The following ABCC9 variants were observed in gnomAD, a reference collection of about 807,000 sequenced individuals.
ABCC9 encodes ATP-binding cassette sub-family C member 9.
In ABCC9, 95 loss-of-function variants were observed where a neutral mutation model predicts 188.3. The ratio of observed to expected loss-of-function variants is 0.50; its 90% CI spans 0.43 to 0.60. The LOEUF is 0.60. ABCC9 is among the 20% of genes least tolerant of loss of function. The pLI is 0.00. For synonymous variants in ABCC9, 659 were observed against 652.7 expected (o/e 1.01, Z -0.15); for missense variants, 1,102 against 1,876.3 (o/e 0.59, Z 7.62).
chr12:21,820,502 G>A (rs951799224), intron 31 of ABCC9, among the ~76,000 whole-genome samples: 7 of 151,204 alleles, frequency 4.6e-5, no homozygotes, highest in African/African-American at 1.7e-4. Flanking sequence ...TATATATATA[G>A]CCTATATATA....
chr12:21,883,638 T>C (rs1463927425), intron 15 of ABCC9, among the ~76,000 whole-genome samples: 1 of 152,170 alleles, frequency 6.6e-6, no homozygotes, highest in East Asian at 1.9e-4. Flanking sequence ...ATCATGAGGA[T>C]TTTTAATCTG....
intron 30 of ABCC9, among the ~76,000 whole-genome samples, chr12:21,836,168 C>T (rs75288831): frequency 0.022 from 3,415 of 152,256 alleles, 61 homozygotes; most frequent in Non-Finnish European, 0.036. Context: ...CTCCTTGTCT[C>T]GGGCGTTAAC....
rs1362925183 is a variant in ABCC9, at chr12:21,846,260, C to G, written c.2867-428G>C. 8.5e-5 allele frequency among the ~76,000 whole-genome samples: 13 copies of G among 152,156 alleles called. No individual in the cohort carries two copies. The East Asian group carries it at 2.3e-3, about 27-fold the overall frequency. On this transcript the variant is annotated intron_variant, in intron 25 of 39. Transcript: ENST00000261200. ...GTGCATAGCACAAGAGGGCATACTC[C>G]ATGCTGTCTATGGCCCCAAGGAGGA...
intron 21 of ABCC9, among the ~76,000 whole-genome samples, chr12:21,860,084 T>TA (rs746880256): frequency 7.9e-4 from 80 of 100,910 alleles, no homozygotes; most frequent in Non-Finnish European, 1.1e-3. Context: ...AAGTACCACT[T>TA]ACACTTTAAA....
At chr12:21,851,288 C>A (rs1944952033) in intron 24 of ABCC9, among the ~76,000 whole-genome samples, 1 of 152,098 alleles carries the variant, frequency 6.6e-6, no homozygotes. Context: ...TTGTTGTACT[C>A]AATCTGGTAT....
chr12:21,801,676 G>A (rs1299914200), intron 39 of ABCC9, among the ~76,000 whole-genome samples: 1 of 152,170 alleles, frequency 6.6e-6, no homozygotes, highest in African/African-American at 2.4e-5. Flanking sequence ...GGATTACCCA[G>A]GCCTTTAGAC....
intron 39 of ABCC9, among the ~76,000 whole-genome samples, chr12:21,802,060 A>G (rs1238419054): frequency 1.3e-5 from 2 of 152,212 alleles, no homozygotes. Flanking sequence ...CTGCCATGTC[A>G]GTGTTATGGT....
At chr12:21,805,693 G>T (rs549662301) in intron 39 of ABCC9, among the ~76,000 whole-genome samples, 1 of 152,220 alleles carries the variant, frequency 6.6e-6, no homozygotes, top group South Asian at 2.1e-4. Flanking sequence ...ATAGAAAAGA[G>T]AATTATTTTA....
intron 12 of ABCC9, among the ~76,000 whole-genome samples, chr12:21,904,149 G>A (rs1947914856): frequency 7.7e-6 from 1 of 130,242 alleles, no homozygotes; most frequent in African/African-American, 3.0e-5. Context: ...TCTGATCTTT[G>A]ACAAACCTGA....
intron 4 of ABCC9, among the ~76,000 whole-genome samples, chr12:21,930,319 T>C (rs865812903): frequency 1.3e-5 from 2 of 152,300 alleles, no homozygotes; most frequent in Non-Finnish European, 1.5e-5. Context: ...TGATATGTAT[T>C]GTAAAGTTAG....
At position 21,872,885 on chromosome 12, in the gene ABCC9, G is replaced by A. The variant is rs576582720; in HGVS notation, c.2093-155C>T. ...TCTAAACAGCTCCTTTCTCTGATAA[G>A]TCTTTTTGGAAAAGGAAAAATATAT... On this transcript the variant is annotated intron_variant, in intron 17 of 39. Coordinates refer to ENST00000261200, the MANE Select transcript of ABCC9 (RefSeq NM_020297.4). 7.2e-5 allele frequency among the ~76,000 whole-genome samples: 11 copies of A among 151,852 alleles called. No individual in the cohort carries two copies. In the Middle Eastern group the frequency reaches 0.021, roughly 286 times the overall value.
chr12:21,848,901 T>G (rs1310296304), intron 24 of ABCC9, among the ~76,000 whole-genome samples: 2 of 152,108 alleles, frequency 1.3e-5, no homozygotes, highest in African/African-American at 4.8e-5. Flanking sequence ...CTTTGCAGAT[T>G]TTTAAGAATT....
Position 21,883,725 on chromosome 12 carries a change from A to AT in ABCC9, c.1912-853dup, listed in dbSNP as rs3062606. Among the ~76,000 whole-genome samples the AT allele has an allele frequency of 2.2e-3, 333 of 150,916 alleles. 1 individual carries two copies. Among genetic ancestry groups the AT allele is most frequent in the South Asian group, 0.011 (52 of 4,778 alleles). ...GATTGACAAAAGCATAAAGATCTAG[A>AT]TTTTTTTTTGTCCAAAGATATTACA... On this transcript the variant is annotated intron_variant, in intron 15 of 39. Coordinates refer to ENST00000261200, the MANE Select transcript of ABCC9 (RefSeq NM_020297.4).
chr12:21,923,770 G>C, intron 5 of ABCC9: 2 of 687,590 alleles, frequency 2.9e-6, no homozygotes, highest in South Asian at 3.1e-5. Flanking sequence ...TTCACTCTTA[G>C]GTATTTACCT....
chr12:21,829,280 C>A (rs978607338), intron 30 of ABCC9, among the ~76,000 whole-genome samples: 1 of 139,938 alleles, frequency 7.1e-6, no homozygotes, highest in African/African-American at 2.6e-5. Flanking sequence ...CGGCTCACTG[C>A]AAGCTCCGCC....
chr12:21,898,782 T>C (rs903720780), intron 12 of ABCC9, among the ~76,000 whole-genome samples: 4 of 152,182 alleles, frequency 2.6e-5, no homozygotes, highest in African/African-American at 9.7e-5. Flanking sequence ...TACTCAGTCA[T>C]ACTTTGAGGG....
At chr12:21,840,521 T>C (rs997301785) in intron 29 of ABCC9, among the ~76,000 whole-genome samples, 4 of 152,220 alleles carry the variant, frequency 2.6e-5, no homozygotes, top group African/African-American at 9.6e-5. Flanking sequence ...GCACTCCATT[T>C]GTATTGATAA....
chr12:21,898,895 A>G (rs970242069), intron 12 of ABCC9, among the ~76,000 whole-genome samples: 1 of 152,204 alleles, frequency 6.6e-6, no homozygotes, highest in African/African-American at 2.4e-5. Flanking sequence ...AAAGGGTTTT[A>G]TGTGAACGAA....
chr12:21,867,534 A>G (rs951066056), intron 18 of ABCC9, among the ~76,000 whole-genome samples: 4 of 152,192 alleles, frequency 2.6e-5, no homozygotes, highest in African/African-American at 9.7e-5. Context: ...AATATTATGG[A>G]ATGGGAGAGT....
Sources: allele counts gnomAD v4.1 joint callset (sites outside exome capture counted in the v4.1 genomes callset), GRCh38; gene constraint gnomAD v4.1.1; transcripts MANE v1.5; gene names NCBI Gene and HGNC (gene_info 2026-07-23, HGNC 2026-07-21).